The following NR2C2 variants were observed in gnomAD, a reference collection of about 807,000 sequenced individuals.
The protein encoded by NR2C2 is nuclear receptor subfamily 2 group C member 2.
Under a neutral mutation model 62.9 loss-of-function variants are expected in NR2C2, and 6 were observed. The ratio of observed to expected loss-of-function variants is 0.10; its 90% CI spans 0.05 to 0.19. The LOEUF (loss-of-function observed/expected upper bound fraction) is 0.19. Among genes scored for constraint, NR2C2 ranks in the 10% least tolerant of loss-of-function variants. The pLI, the probability that NR2C2 is intolerant of heterozygous loss-of-function variation, is 1.00. For synonymous variants in NR2C2, 272 were observed against 273.8 expected, an observed-to-expected ratio of 0.99 and a Z score of 0.07; for missense variants, 479 against 762.7, an observed-to-expected ratio of 0.63 and a Z score of 4.38.
intron 1 of NR2C2, among the ~76,000 whole-genome samples, chr3:14,987,248 G>T (rs1025904757): frequency 2.0e-5 from 3 of 151,878 alleles, no homozygotes; most frequent in Non-Finnish European, 2.9e-5. Flanking sequence ...ACACCCAGCT[G>T]GTTTTTTTAT....
At chr3:14,958,931 G>A (rs1392863898) in intron 1 of NR2C2, among the ~76,000 whole-genome samples, 2 of 152,226 alleles carry the variant, frequency 1.3e-5, no homozygotes, top group Admixed American at 6.5e-5. Flanking sequence ...AGCCGAGATC[G>A]TGCCACTGCA....
rs200291251 is a variant in NR2C2 at position 15,024,115 on chromosome 3, A to G, written c.705A>G (p.Arg235=). 8 of 1,610,774 alleles carry G rather than the reference A, an allele frequency of 5.0e-6. No individual in the cohort carries two copies. In the East Asian group the frequency reaches 8.9e-5, roughly 18 times the overall value. Residue 235 remains arginine (R), a splice_region_variant and synonymous_variant, in exon 7 of 14, where the codon AGA becomes AGG. Coordinates refer to ENST00000425241, the MANE Select transcript of NR2C2 (RefSeq NM_001291694.2). ...CTGAGTTTCTTTATGTCTTAAATAG[A>G]CAAACAGGTCTTCTTGATCCAGGGA... ...PTFVADKDGA[R]QTGLLDPGML...
intron 8 of NR2C2, 134 bp downstream of exon 8, chr3:15,028,853 C>A: frequency 3.1e-6 from 3 of 965,116 alleles, no homozygotes; most frequent in Non-Finnish European, 4.5e-6. Flanking sequence ...TGACCCTGCT[C>A]ATCTGTCTTC....
At chr3:14,971,248 G>T (rs746370170) in intron 1 of NR2C2, among the ~76,000 whole-genome samples, 1 of 151,526 alleles carries the variant, frequency 6.6e-6, no homozygotes, top group Non-Finnish European at 1.5e-5. Flanking sequence ...CTCCTGAGTA[G>T]GTGGGATTAC....
chr3:15,033,811 C>A (rs544912255), intron 10 of NR2C2, among the ~76,000 whole-genome samples: 1 of 152,176 alleles, frequency 6.6e-6, no homozygotes, highest in Admixed American at 6.5e-5. Flanking sequence ...TCAGTCCGGG[C>A]TAGATAAAAT....
At chr3:15,032,556 G>GA in intron 10 of NR2C2, 56 bp downstream of exon 10, 1 of 1,608,270 alleles carries the variant, frequency 6.2e-7, no homozygotes, top group Non-Finnish European at 8.5e-7. Context: ...CTCTCCCTAG[G>GA]AATGACCTGG....
At chr3:14,960,105 A>G (rs911578719) in intron 1 of NR2C2, among the ~76,000 whole-genome samples, 1 of 152,220 alleles carries the variant, frequency 6.6e-6, no homozygotes, top group African/African-American at 2.4e-5. Context: ...CATTTCTAAG[A>G]AAATATTTAC....
At chr3:15,027,320 C>T (rs1400104736) in intron 7 of NR2C2, among the ~76,000 whole-genome samples, 1 of 152,200 alleles carries the variant, frequency 6.6e-6, no homozygotes, top group African/African-American at 2.4e-5. Flanking sequence ...CTTTGTATGG[C>T]TATACCACAT....
In NR2C2 at chr3:15,049,238, T is replaced by C. The variant is rs2042562225; in HGVS notation, c.*6230T>C. The C allele has an allele frequency of 6.5e-6, 1 of 152,678 alleles. No homozygotes were observed. The highest frequency in any genetic ancestry group is 6.5e-5 in the Admixed American group (1 of 15,276). The allele number at this position is 152,678 out of a possible 1,614,324, so 9.5% of individuals were successfully genotyped here. ...TTGTGGCTTAATACTACTACCTAAA[T>C]GAGGTTTATACTATTAAAAGTGAAT... is the stretch of plus-strand genomic sequence containing the variant. On this transcript the variant is annotated 3_prime_UTR_variant, in exon 14 of 14. Coordinates refer to ENST00000425241, the MANE Select transcript of NR2C2 (RefSeq NM_001291694.2).
Position 15,025,341 on chromosome 3 carries a change from A to T in NR2C2, c.798+1133A>T, listed in dbSNP as rs988012597. On this transcript the variant is annotated intron_variant, in intron 7 of 13. Transcript: ENST00000425241. ...GTCTGACAGTGCTCTTCGTAGCCAC[A>T]TGCTTCTTTCCTGCACTTGTAAATT... Among the ~76,000 whole-genome samples, 3 of 152,240 alleles carry T rather than the reference A, an allele frequency of 2.0e-5. No individual in the cohort carries two copies. In the East Asian group the frequency reaches 5.8e-4, roughly 29 times the overall value.
At chr3:14,970,146 C>A (rs2039994116) in intron 1 of NR2C2, among the ~76,000 whole-genome samples, 1 of 151,620 alleles carries the variant, frequency 6.6e-6, no homozygotes, top group South Asian at 2.1e-4. Flanking sequence ...CCTTTATCAC[C>A]AAGCCTCCTC....
chr3:14,983,462 T>TAC (rs34788861), intron 1 of NR2C2, among the ~76,000 whole-genome samples: 25,387 of 146,652 alleles, frequency 0.17, 2,452 homozygotes, highest in African/African-American at 0.28. Flanking sequence ...ATACTCTTTA[T>TAC]ACACACACAC....
rs925098660 is a variant in NR2C2 at position 15,032,375 on chromosome 3, C to T, written c.1111-4C>T. The T allele has an allele frequency of 1.9e-6, 3 of 1,614,212 alleles. No individual in the cohort carries two copies. The highest frequency in any genetic ancestry group is 1.3e-5 in the African/African-American group (1 of 75,048). ...TCCTGTGCCATGTGCCTCCTCTTTT[C>T]CAGCTAACAATGCCCAGTCCAATGC... On this transcript the variant is annotated splice_polypyrimidine_tract_variant and splice_region_variant and intron_variant, in intron 9 of 13. Transcript: ENST00000425241.
rs371981775 is a variant in NR2C2, at chr3:15,002,645, CTTTTTTTTTT to C, written c.-39-1210_-39-1201del. Among the ~76,000 whole-genome samples, 72 of 39,508 alleles carry C rather than the reference CTTTTTTTTTT, an allele frequency of 1.8e-3. 2 individuals carry two copies. Among genetic ancestry groups the C allele is most frequent in the East Asian group, 0.012 (10 of 838 alleles). 25.9% of individuals were successfully genotyped at this position (39,508 alleles called of 152,430 possible). A position where few individuals can be genotyped will look rare whatever the true frequency, so the allele number is the denominator to read the frequency against. The stretch of plus-strand genomic sequence containing the variant: ...TTTTTTGTGAAGTGTTCACAATATA[CTTTTTTTTTT>C]TTTTTTTTTTTTTTTTTTTTGAGAC... On this transcript the variant is annotated intron_variant, in intron 1 of 13. Coordinates refer to ENST00000425241, the MANE Select transcript of NR2C2 (RefSeq NM_001291694.2).
chr3:14,971,182 A>G (rs1292001361), intron 1 of NR2C2, among the ~76,000 whole-genome samples: 1 of 151,906 alleles, frequency 6.6e-6, no homozygotes, highest in Non-Finnish European at 1.5e-5. Flanking sequence ...CAGTGGCGCA[A>G]TCTTGGCTCA....
intron 1 of NR2C2, among the ~76,000 whole-genome samples, chr3:15,001,642 T>C (rs2041007066): frequency 6.6e-6 from 1 of 151,440 alleles, no homozygotes; most frequent in Non-Finnish European, 1.5e-5. Context: ...GCCTTGTTTT[T>C]TGTTTTTGAA....
At chr3:15,026,917 A>C (rs1019367820) in intron 7 of NR2C2, 2 of 151,970 alleles carry the variant, frequency 1.3e-5, no homozygotes, top group Admixed American at 1.3e-4. Flanking sequence ...CCCAGGCTGG[A>C]GTGCAATCGT....
intron 1 of NR2C2, among the ~76,000 whole-genome samples, chr3:14,978,224 G>A (rs185363625): frequency 1.3e-5 from 2 of 152,256 alleles, no homozygotes; most frequent in Admixed American, 1.3e-4. Flanking sequence ...CAGTGGGGTT[G>A]TGCCCCAATA....
intron 1 of NR2C2, among the ~76,000 whole-genome samples, chr3:14,998,616 CTTG>C (rs1454572381): frequency 6.6e-6 from 1 of 152,032 alleles, no homozygotes; most frequent in African/African-American, 2.4e-5. Context: ...GGATTTTTGT[CTTG>C]TTATTAAGTT....
Sources: gnomAD v4.1 joint callset for allele counts (sites outside exome capture counted in the v4.1 genomes callset) on GRCh38, gnomAD v4.1.1 for gene constraint, MANE v1.5 for transcripts, NCBI Gene and HGNC (gene_info 2026-07-23, HGNC 2026-07-21) for gene names.